The following OTOF variants were observed in gnomAD, a reference collection of about 807,000 sequenced individuals.
OTOF encodes the protein fer-1-like family member 2.
Under a neutral mutation model 236.8 loss-of-function variants are expected in OTOF, and 218 were observed. The observed-to-expected ratio is 0.92, with a 90% CI of 0.82 to 1.03. The LOEUF is 1.03. Among genes scored for constraint, OTOF ranks in the 50% least tolerant of loss-of-function variants. The pLI, the probability that OTOF is intolerant of heterozygous loss-of-function variation, is 0.00. For missense variants in OTOF, 2,590 were observed against 2,694.4 expected, an observed-to-expected ratio of 0.96 and a Z score of 0.86; for synonymous variants, 1,041 against 1,072.5, an observed-to-expected ratio of 0.97 and a Z score of 0.57.
At chr2:26,551,548 C>A (rs1198152229) in intron 1 of OTOF, among the ~76,000 whole-genome samples, 1 of 152,200 alleles carries the variant, frequency 6.6e-6, no homozygotes, top group Admixed American at 6.5e-5. Flanking sequence ...TGCCTGGGCA[C>A]CTGTGCCTCC....
intron 4 of OTOF, among the ~76,000 whole-genome samples, chr2:26,517,675 TG>T (rs760011968): frequency 1.1e-3 from 166 of 152,296 alleles, no homozygotes; most frequent in Non-Finnish European, 4.9e-4. Context: ...TTGGAAGTCC[TG>T]GGTCTCCGTG....
At chr2:26,517,149 T>G (rs1465131986) in intron 4 of OTOF, among the ~76,000 whole-genome samples, 1 of 152,158 alleles carries the variant, frequency 6.6e-6, no homozygotes, top group Non-Finnish European at 1.5e-5. Context: ...CCCTAGGGTT[T>G]TCCTCTGGCA....
At position 26,502,412 on chromosome 2, in the gene OTOF, G is replaced by C; in HGVS notation, c.598C>G (p.Leu200Val). The change falls in exon 7 of 47, where the codon CTG (leucine) becomes GTG (valine). Residue 200 changes from leucine (L) to valine (V), a missense_variant. Physicochemically the swap from Leu to Val is conservative, Grantham distance 32. Around this residue, in one of 2 missense-constraint regions of OTOF, gnomAD observed 1,379 missense variants for 1,341.6 expected, o/e 1.03. Coordinates refer to ENST00000272371, the MANE Select transcript of OTOF (RefSeq NM_194248.3). ...AGATGGTCAAGGTCTTCCATCTCCAGCACCGCCGGTTCATCTGGGGAAGAT... is the reference window on the plus strand; with the variant it reads ...AGATGGTCAAGGTCTTCCATCTCCACCACCGCCGGTTCATCTGGGGAAGAT... Reference protein sequence around the residue: ...EPQRPDEPAVLEMEDLDHLAI... With the variant: ...EPQRPDEPAVVEMEDLDHLAI... 6.2e-7 allele frequency: 1 copy of C among 1,613,448 alleles called. No individual in the cohort carries two copies. Among genetic ancestry groups the C allele is most frequent in the Non-Finnish European group, 8.5e-7 (1 of 1,179,822 alleles).
At chr2:26,558,088 G>A (rs970640302) in intron 1 of OTOF, among the ~76,000 whole-genome samples, 1 of 151,846 alleles carries the variant, frequency 6.6e-6, no homozygotes, top group Non-Finnish European at 1.5e-5. Flanking sequence ...CACCCTGGGT[G>A]CCCCAGGCTC....
At chr2:26,478,965 T>C (rs977004426) in intron 18 of OTOF, among the ~76,000 whole-genome samples, 4 of 152,170 alleles carry the variant, frequency 2.6e-5, no homozygotes, top group African/African-American at 9.7e-5. Context: ...TCCCAAAGTG[T>C]TGGGATTACA....
Position 26,490,706 on chromosome 2 carries a change from G to A in OTOF, c.898-966C>T, listed in dbSNP as rs549465646. Among the ~76,000 whole-genome samples, 20 of 152,292 alleles carry A rather than the reference G, an allele frequency of 1.3e-4. 1 individual carries two copies. In the South Asian group the frequency reaches 4.1e-3, roughly 32 times the overall value. On this transcript the variant is annotated intron_variant, in intron 9 of 46. Transcript: ENST00000272371. ...TTACTGCTAGATCACTCACTTTCTT[G>A]CCTGAGCCTCAGTTTACCTATTATC...
intron 25 of OTOF, 129 bp from the exon 26 acceptor site, chr2:26,474,803 G>T: frequency 1.9e-6 from 2 of 1,046,640 alleles, no homozygotes; most frequent in Non-Finnish European, 1.5e-6. Flanking sequence ...TACAGATGAG[G>T]AAACCAAGTC....
intron 9 of OTOF, among the ~76,000 whole-genome samples, chr2:26,490,674 C>G (rs752185233): frequency 6.6e-6 from 1 of 152,212 alleles, no homozygotes; most frequent in Non-Finnish European, 1.5e-5. Context: ...CCAGCCCCAC[C>G]TGGCTGTTAC....
Position 26,477,869 on chromosome 2 carries a change from G to A in OTOF, c.2215-120C>T, listed in dbSNP as rs1558486626. 6.4e-7 allele frequency: 1 copy of A among 1,552,940 alleles called. No individual in the cohort carries two copies. The highest frequency in any genetic ancestry group is 8.7e-7 in the Non-Finnish European group (1 of 1,148,210). On this transcript the variant is annotated intron_variant, in intron 18 of 46. Coordinates refer to ENST00000272371, the MANE Select transcript of OTOF (RefSeq NM_194248.3). The surrounding 1 kb of genome is among the most constrained non-coding windows in gnomAD (Gnocchi z 4.7). ...CTCATGATCTGGGAGCTCTCGCTAG[G>A]GCCATCCTGAGTATCGGTCATCATG...
At chr2:26,467,282 T>C (rs370226118) in intron 34 of OTOF, 49 bp from the exon 35 acceptor site, 1 of 1,613,872 alleles carries the variant, frequency 6.2e-7, no homozygotes, top group Non-Finnish European at 8.5e-7. Flanking sequence ...CTCTGGCTTT[T>C]GTCCTGCCCC....
chr2:26,480,917 C>T lies in OTOF; in HGVS notation c.1672G>A (p.Gly558Ser), dbSNP rs1572436386. Residue 558 changes from glycine to serine, a missense_variant, in exon 15 of 47, where the codon GGC becomes AGC. Gly to Ser is a moderately conservative substitution (Grantham distance 56). Transcript: ENST00000272371. ...LLDEHQDLNE[G>S]LGEGVSFRAR... ...CGGAAGGACACACCCTCCCCCAGGC[C>T]CTCGTTCAGGTCCTGATGCTCATCC... is the stretch of plus-strand genomic sequence containing the variant. 1 of 1,613,060 alleles carries T rather than the reference C, an allele frequency of 6.2e-7. No individual in the cohort carries two copies. Among genetic ancestry groups the T allele is most frequent in the Non-Finnish European group, 8.5e-7 (1 of 1,180,008 alleles).
chr2:26,530,939 G>A (rs1219041424), intron 2 of OTOF, among the ~76,000 whole-genome samples: 3 of 152,190 alleles, frequency 2.0e-5, no homozygotes, highest in Non-Finnish European at 4.4e-5. Context: ...TGGGACTGGG[G>A]GTTACTCCCA....
intron 36 of OTOF, among the ~76,000 whole-genome samples, 188 bp downstream of exon 36, chr2:26,466,526 G>A (rs778423088): frequency 6.6e-6 from 1 of 152,134 alleles, no homozygotes; most frequent in Non-Finnish European, 1.5e-5. Flanking sequence ...TAGTAGAGAC[G>A]GGGTTTAACC....
At chr2:26,549,648 G>A (rs1162913814) in intron 1 of OTOF, among the ~76,000 whole-genome samples, 4 of 152,120 alleles carry the variant, frequency 2.6e-5, no homozygotes, top group African/African-American at 9.7e-5. Context: ...AACCCACCCT[G>A]CTAACATCCA....
Position 26,462,764 on chromosome 2 carries a change from C to T in OTOF, c.5193-583G>A, listed in dbSNP as rs1025594658. Among the ~76,000 whole-genome samples the T allele has an allele frequency of 6.6e-6, 1 of 152,136 alleles. No individual in the cohort carries two copies. Among genetic ancestry groups the T allele is most frequent in the South Asian group, 2.1e-4 (1 of 4,826 alleles). On this transcript the variant is annotated intron_variant, in intron 41 of 46. Transcript: ENST00000272371. This position sits in a 1 kb window ranked among gnomAD's most constrained non-coding sequence, Gnocchi z 4.7. ...TTGCTGCATGATTTGCTGGGGCCAG[C>T]GCCAAATGGAAATGCAGGGTCACTT...
intron 5 of OTOF, among the ~76,000 whole-genome samples, chr2:26,509,610 C>A (rs911739976): frequency 4.6e-5 from 7 of 152,172 alleles, no homozygotes; most frequent in African/African-American, 1.4e-4. Flanking sequence ...TCAGTTCAGA[C>A]CCCTCAACAC....
intron 2 of OTOF, among the ~76,000 whole-genome samples, chr2:26,531,818 G>A (rs1296033953): frequency 6.6e-6 from 1 of 152,094 alleles, no homozygotes; most frequent in African/African-American, 2.4e-5. Flanking sequence ...AGGGGGCTGG[G>A]GGCAGTGGCT....
intron 1 of OTOF, among the ~76,000 whole-genome samples, chr2:26,542,951 T>G (rs963368712): frequency 1.8e-4 from 28 of 152,182 alleles, no homozygotes; most frequent in Admixed American, 1.6e-3. Context: ...AGCTGAGAAA[T>G]AGAGTAAAAC....
intron 18 of OTOF, among the ~76,000 whole-genome samples, chr2:26,478,582 TG>T (rs1052215056): frequency 7.2e-5 from 11 of 151,972 alleles, no homozygotes; most frequent in East Asian, 2.0e-4. Context: ...CCATGGCTCA[TG>T]GGGGGAGAGG....
Sources: allele counts gnomAD v4.1 joint callset (sites outside exome capture counted in the v4.1 genomes callset), GRCh38; gene constraint gnomAD v4.1.1; regional missense constraint gnomAD v4.1.1; non-coding constraint Gnocchi (gnomAD v3.1); transcripts MANE v1.5; gene names NCBI Gene and HGNC (gene_info 2026-07-23, HGNC 2026-07-21).